Variants in CTNNA2 observed in about 807,000 individuals in gnomAD.
The protein encoded by CTNNA2 is catenin alpha 2, also known as catenin alpha-2.
In CTNNA2, 42 loss-of-function variants were observed where a neutral mutation model predicts 101.0. The observed-to-expected ratio is 0.42, with a 90% CI of 0.32 to 0.54. The LOEUF (loss-of-function observed/expected upper bound fraction) is 0.54. Ranked by LOEUF, CTNNA2 falls within the 20% of genes least tolerant of loss-of-function variation. The probability of loss-of-function intolerance (pLI) is 0.14; values close to 1 mark genes in which losing one functional copy is unlikely to be tolerated. For missense variants in CTNNA2, 871 were observed against 1,223.1 expected, an observed-to-expected ratio of 0.71 and a Z score of 4.29; for synonymous variants, 450 against 456.4, an observed-to-expected ratio of 0.99 and a Z score of 0.18.
At chr2:79,407,696 T>G (rs1678354900) in intron 4 of CTNNA2, among the ~76,000 whole-genome samples, 2 of 151,972 alleles carry the variant, frequency 1.3e-5, no homozygotes, top group South Asian at 4.1e-4. Flanking sequence ...ATACACCAGA[T>G]AGTCAATGAA....
At chr2:79,967,586 G>A (rs1013992007) in intron 7 of CTNNA2, among the ~76,000 whole-genome samples, 2 of 152,090 alleles carry the variant, frequency 1.3e-5, no homozygotes, top group African/African-American at 2.4e-5. Context: ...AAATCCTAAT[G>A]CCTTACCCTG....
At chr2:80,606,403 CA>C (rs1457752812) in intron 16 of CTNNA2, among the ~76,000 whole-genome samples, 3 of 121,844 alleles carry the variant, frequency 2.5e-5, no homozygotes, top group Admixed American at 1.8e-4. Context: ...CACACACACA[CA>C]CACACACACC....
chr2:79,668,225 C>T (rs1361439051), intron 2 of CTNNA2, among the ~76,000 whole-genome samples: 11 of 120,794 alleles, frequency 9.1e-5, no homozygotes, highest in Admixed American at 3.6e-4. Context: ...CCGACCTGGG[C>T]GACAGAGCGA....
At chr2:79,665,345 G>A (rs1174325102) in intron 2 of CTNNA2, among the ~76,000 whole-genome samples, 2 of 152,144 alleles carry the variant, frequency 1.3e-5, no homozygotes, top group Non-Finnish European at 2.9e-5. Flanking sequence ...GTGCATGTAT[G>A]TGCATGTTTT....
At chr2:80,275,245 A>G (rs113132463) in intron 7 of CTNNA2, among the ~76,000 whole-genome samples, 1 of 152,320 alleles carries the variant, frequency 6.6e-6, no homozygotes, top group African/African-American at 2.4e-5. Context: ...TTTGTTGATC[A>G]TACCAAAAGG....
intron 7 of CTNNA2, among the ~76,000 whole-genome samples, chr2:80,327,206 C>A (rs767562339): frequency 7.2e-5 from 11 of 152,220 alleles, no homozygotes; most frequent in Non-Finnish European, 1.5e-4. Context: ...AGTTAATGAT[C>A]ACAGGCATGA....
intron 2 of CTNNA2, among the ~76,000 whole-genome samples, chr2:79,730,428 CTG>C (rs1041288247): frequency 7.2e-5 from 11 of 151,988 alleles, no homozygotes; most frequent in African/African-American, 1.7e-4. Context: ...TTGGAAAAAA[CTG>C]TTTTTATATA....
chr2:80,509,111 T>A (rs549321730), intron 9 of CTNNA2, among the ~76,000 whole-genome samples: 1 of 152,300 alleles, frequency 6.6e-6, no homozygotes, highest in African/African-American at 2.4e-5. Flanking sequence ...TCTTCTGTGA[T>A]AAAAATAACC....
At chr2:80,052,095 A>G (rs1017511817) in intron 7 of CTNNA2, among the ~76,000 whole-genome samples, 1 of 152,240 alleles carries the variant, frequency 6.6e-6, no homozygotes, top group African/African-American at 2.4e-5. Context: ...GTGACCTTTA[A>G]CAGCATAGAC....
intron 3 of CTNNA2, among the ~76,000 whole-genome samples, chr2:79,827,674 C>A (rs1678551532): frequency 6.6e-6 from 1 of 152,068 alleles, no homozygotes. Flanking sequence ...GTAGATGCCC[C>A]TGAAAGGAAT....
intron 2 of CTNNA2, among the ~76,000 whole-genome samples, chr2:79,693,149 T>C (rs1025574221): frequency 9.9e-5 from 15 of 152,028 alleles, no homozygotes; most frequent in Admixed American, 9.2e-4. Flanking sequence ...ATCCCTGATA[T>C]AAATTTTTAC....
rs772822166 is a variant in CTNNA2 at position 79,858,110 on chromosome 2, C to T, written c.396C>T (p.Ser132=). 2.9e-5 allele frequency: 47 copies of T among 1,613,998 alleles called. No homozygotes were observed. In the Admixed American group the frequency reaches 4.7e-4, roughly 16 times the overall value. The change falls in exon 4 of 19, where the codon TCC becomes TCT. Residue 132 remains serine (S), a synonymous_variant. Coordinates refer to ENST00000402739, the MANE Select transcript of CTNNA2 (RefSeq NM_001282597.3). ...TACGGGCGGCAAGGGCTTTGCTCTC[C>T]GCGGTGACACGCTTACTCATCCTGG... ...TMVRAARALL[S]AVTRLLILAD...
intron 2 of CTNNA2, among the ~76,000 whole-genome samples, chr2:79,301,427 C>T (rs775547701): frequency 6.9e-6 from 1 of 145,124 alleles, no homozygotes; most frequent in African/African-American, 2.6e-5. Flanking sequence ...AGGGCCCTGA[C>T]TTTCTCTGTA....
At chr2:80,256,379 A>C (rs1672150323) in intron 7 of CTNNA2, among the ~76,000 whole-genome samples, 1 of 152,136 alleles carries the variant, frequency 6.6e-6, no homozygotes, top group Non-Finnish European at 1.5e-5. Flanking sequence ...TGCTGCTTTC[A>C]TCTCCCTGGA....
chr2:80,048,420 G>T lies in CTNNA2; in HGVS notation c.1056+138623G>T, dbSNP rs1052971503. Among the ~76,000 whole-genome samples the T allele has an allele frequency of 4.6e-5, 7 of 152,180 alleles. 1 individual carries two copies. The highest frequency in any genetic ancestry group is 1.7e-4 in the African/African-American group (7 of 41,482). On this transcript the variant is annotated intron_variant, in intron 7 of 18. Coordinates refer to ENST00000402739, the MANE Select transcript of CTNNA2 (RefSeq NM_001282597.3). The stretch of plus-strand genomic sequence containing the variant: ...TTTAATGAATATAAAGTCTTTAATT[G>T]GGATAAGGGAAGTCTGAAGACACAA...
chr2:79,952,478 T>C (rs1305732851), intron 7 of CTNNA2, among the ~76,000 whole-genome samples: 2 of 152,190 alleles, frequency 1.3e-5, no homozygotes, highest in Non-Finnish European at 2.9e-5. Flanking sequence ...AACCACTGAA[T>C]TGAACACTTT....
chr2:80,014,016 G>C (rs1420786491), intron 7 of CTNNA2, among the ~76,000 whole-genome samples: 1 of 152,090 alleles, frequency 6.6e-6, no homozygotes, highest in East Asian at 1.9e-4. Flanking sequence ...ACTCAGTTAG[G>C]ATTTACAATG....
chr2:79,496,456 T>C (rs1427985818), intron 4 of CTNNA2, among the ~76,000 whole-genome samples: 2 of 152,090 alleles, frequency 1.3e-5, no homozygotes, highest in African/African-American at 4.8e-5. Flanking sequence ...ATAAACTCAA[T>C]ACAGACAAAA....
Position 79,650,185 on chromosome 2 carries a change from G to C in CTNNA2, c.-5-1367G>C, listed in dbSNP as rs544853117. On this transcript the variant is annotated intron_variant, in intron 1 of 18. Transcript: ENST00000402739. ...ATGTATACTTTTTCGGGGGGGGGGG[G>C]GGAGGGGCTAGAACTGTAATTTTTT... 6.4e-3 allele frequency among the ~76,000 whole-genome samples: 737 copies of C among 115,846 alleles called. 6 individuals are homozygous for C. The highest frequency in any genetic ancestry group is 9.4e-3 in the Non-Finnish European group (514 of 54,512). 76.0% of individuals were successfully genotyped at this position (115,846 alleles called of 152,430 possible). A position where few individuals can be genotyped will look rare whatever the true frequency, so the allele number is the denominator to read the frequency against.
Sources: gnomAD v4.1 joint callset for allele counts (sites outside exome capture counted in the v4.1 genomes callset) on GRCh38, gnomAD v4.1.1 for gene constraint, MANE v1.5 for transcripts, NCBI Gene and HGNC (gene_info 2026-07-23, HGNC 2026-07-21) for gene names.